Variants in FSIP2 observed in about 807,000 individuals in gnomAD.
The protein encoded by FSIP2 is fibrous sheath interacting protein 2, also known as fibrous sheath-interacting protein 2.
A neutral mutation model predicts 510.5 loss-of-function variants in FSIP2; 367 were observed. That is an observed-to-expected ratio of 0.72 (90% CI 0.66 to 0.78). The LOEUF (loss-of-function observed/expected upper bound fraction) is 0.78, where lower values mean the gene tolerates loss of function less well. Among genes scored for constraint, FSIP2 ranks in the 30% least tolerant of loss-of-function variants. The pLI, the probability that FSIP2 is intolerant of heterozygous loss-of-function variation, is 0.00. For missense variants in FSIP2, 7,594 were observed against 7,901.7 expected, an observed-to-expected ratio of 0.96 and a Z score of 1.48; for synonymous variants, 2,601 against 2,732.2, an observed-to-expected ratio of 0.95 and a Z score of 1.50.
rs1354390367 is a variant in FSIP2, at chr2:185,797,100, T to G, written c.9964T>G (p.Ser3322Ala). 1 of 1,535,102 alleles carries G rather than the reference T, an allele frequency of 6.5e-7. No homozygotes were observed. Among genetic ancestry groups the G allele is most frequent in the South Asian group, 1.2e-5 (1 of 84,024 alleles). The change falls in exon 16 of 23, where the codon TCC becomes GCC. Residue 3322 changes from serine (S) to alanine (A), a missense_variant. Transcript: ENST00000424728. ...ACCAAACCAAATTCAGACAACCATT[T>G]CCCCTCTCAAAATATGTTTAGCTGC... ...VEPNQIQTTISPLKICLAAEN... is the reference protein window; with the variant it reads ...VEPNQIQTTIAPLKICLAAEN...
intron 13 of FSIP2, among the ~76,000 whole-genome samples, chr2:185,778,431 T>G (rs1371039213): frequency 6.6e-6 from 1 of 152,090 alleles, no homozygotes; most frequent in Non-Finnish European, 1.5e-5. Flanking sequence ...ATCAAAAAAC[T>G]TGCAATATAA....
Position 185,804,668 on chromosome 2 carries a change from T to C in FSIP2, c.15362T>C (p.Met5121Thr). 3.9e-6 allele frequency: 6 copies of C among 1,532,850 alleles called. No homozygotes were observed. Among genetic ancestry groups the C allele is most frequent in the East Asian group, 2.4e-5 (1 of 40,818 alleles). The allele number at this position is 1,532,850 out of a possible 1,614,324, so 95.0% of individuals were successfully genotyped here. The change falls in exon 17 of 23, where the codon ATG (methionine) becomes ACG (threonine). Residue 5121 changes from methionine to threonine, a missense_variant. Met to Thr is a moderately conservative substitution (Grantham distance 81, BLOSUM62 -1). Coordinates refer to ENST00000424728, the MANE Select transcript of FSIP2 (RefSeq NM_173651.4). Reference protein sequence around the residue: ...TVLPHSLLEDMVYRLLGHVFP... With the variant: ...TVLPHSLLEDTVYRLLGHVFP... ...TTGCCTCATTCTCTTTTAGAAGATA[T>C]GGTTTACAGGCTTCTAGGGCATGTC...
At position 185,808,149 on chromosome 2, in the gene FSIP2, C is replaced by T. The variant is rs771474856; in HGVS notation, c.18843C>T (p.Leu6281=). The change falls in exon 17 of 23, where the codon CTC becomes CTT. Residue 6281 remains leucine, a synonymous_variant. Transcript: ENST00000424728. ...ATTTAATGGGTAAAAGCAATGTCCT[C>T]TCTGATACAATAGGCTTTTTAATGG... ...FKDLMGKSNV[L]SDTIGFLMVN... 20 of 1,610,926 alleles carry T rather than the reference C, an allele frequency of 1.2e-5. No individual in the cohort carries two copies. The highest frequency in any genetic ancestry group is 2.2e-5 in the East Asian group (1 of 44,754).
At position 185,763,275 on chromosome 2, in the gene FSIP2, C is replaced by G. The variant is rs182434513; in HGVS notation, c.1333C>G (p.Pro445Ala). ...FSRVSQAFLD[P>A]SKEEKETNAD... ...CAGAGTTTCACAGGCATTTTTGGATCCTTCAAAAGAAGAGGTATATAACAG... is the reference window on the plus strand; with the variant it reads ...CAGAGTTTCACAGGCATTTTTGGATGCTTCAAAAGAAGAGGTATATAACAG... Residue 445 changes from proline to alanine, a missense_variant, in exon 12 of 23, where the codon CCT (proline) becomes GCT (alanine). By Grantham distance (27) the Pro-to-Ala change is conservative. Coordinates refer to ENST00000424728, the MANE Select transcript of FSIP2 (RefSeq NM_173651.4). The G allele has an allele frequency of 6.9e-7, 1 of 1,452,868 alleles. No individual in the cohort carries two copies. Among genetic ancestry groups the G allele is most frequent in the Admixed American group, 2.0e-5 (1 of 50,700 alleles). 90.0% of individuals were successfully genotyped at this position (1,452,868 alleles called of 1,614,324 possible).
chr2:185,799,177 A>G (rs943033257), intron 16 of FSIP2, among the ~76,000 whole-genome samples: 1 of 151,876 alleles, frequency 6.6e-6, no homozygotes, highest in Non-Finnish European at 1.5e-5. Flanking sequence ...TAGGGACTAA[A>G]GTACTACTGC....
Position 185,789,721 on chromosome 2 carries a change from G to A in FSIP2, c.2585G>A (p.Cys862Tyr). The A allele has an allele frequency of 6.5e-7, 1 of 1,534,322 alleles. No individual in the cohort carries two copies. The highest frequency in any genetic ancestry group is 8.7e-7 in the Non-Finnish European group (1 of 1,145,710). The change falls in exon 16 of 23, where the codon TGT becomes TAT. Residue 862 changes from cysteine (C) to tyrosine (Y), a missense_variant. Transcript: ENST00000424728. The stretch of plus-strand genomic sequence containing the variant: ...CAGCAACATAAGACAGACCCAATAT[G>A]TATGTTCCTTCAAAGAGCTGGCAAA... ...SCQQHKTDPI[C>Y]MFLQRAGKNK...
chr2:185,750,935 T>C (rs546628217), intron 7 of FSIP2, among the ~76,000 whole-genome samples: 1 of 151,724 alleles, frequency 6.6e-6, no homozygotes, highest in East Asian at 1.9e-4. Context: ...GCTTTTATTG[T>C]AGTCAGAGAA....
chr2:185,810,628 G>C (rs1397060540), intron 17 of FSIP2, among the ~76,000 whole-genome samples: 3 of 147,736 alleles, frequency 2.0e-5, no homozygotes, highest in Non-Finnish European at 3.0e-5. Flanking sequence ...CAGAAAATTG[G>C]TACCAAGGAG....
At chr2:185,832,789 C>T (rs1694131740) in intron 22 of FSIP2, among the ~76,000 whole-genome samples, 1 of 151,820 alleles carries the variant, frequency 6.6e-6, no homozygotes, top group Non-Finnish European at 1.5e-5. Context: ...TTTTAATGTA[C>T]TTCTACTTTC....
rs1384681729 is a variant in FSIP2, at chr2:185,802,764, C to G, written c.13458C>G (p.Ser4486Arg). 3.2e-5 allele frequency: 48 copies of G among 1,514,522 alleles called. No individual in the cohort carries two copies. In the East Asian group the frequency reaches 8.3e-4, roughly 26 times the overall value. 93.8% of individuals were successfully genotyped at this position (1,514,522 alleles called of 1,614,324 possible). A position where few individuals can be genotyped will look rare whatever the true frequency, so the allele number is the denominator to read the frequency against. The change falls in exon 17 of 23, where the codon AGC (serine) becomes AGG (arginine). Residue 4486 changes from serine (S) to arginine (R), a missense_variant. Coordinates refer to ENST00000424728, the MANE Select transcript of FSIP2 (RefSeq NM_173651.4). ...LLSKLFSSAS[S>R]LVLNRDTQKD... ...CTAAATTATTTTCTTCTGCATCTAG[C>G]CTGGTTCTAAACAGAGACACCCAAA...
intron 17 of FSIP2, among the ~76,000 whole-genome samples, chr2:185,811,683 G>T (rs1245385699): frequency 6.6e-6 from 1 of 152,024 alleles, no homozygotes; most frequent in African/African-American, 2.4e-5. Context: ...ACTGCACTCT[G>T]TTTGATTTCA....
At position 185,796,245 on chromosome 2, in the gene FSIP2, A is replaced by T; in HGVS notation, c.9109A>T (p.Lys3037Ter). ...LSSIQQKLLN[K>*]KMLPKLQPLK... is the part of the protein sequence containing the mutation. ...TTCTATCCAACAGAAACTGTTAAAC[A>T]AAAAAATGTTGCCAAAATTACAACC... Residue 3037 changes from lysine (K) to a stop codon, truncating the protein, a stop_gained, in exon 16 of 23, where the codon AAA becomes TAA. Coordinates refer to ENST00000424728, the MANE Select transcript of FSIP2 (RefSeq NM_173651.4). LOFTEE classifies it high-confidence loss of function. The T allele has an allele frequency of 3.9e-6, 6 of 1,529,856 alleles. No individual in the cohort carries two copies. The highest frequency in any genetic ancestry group is 5.2e-6 in the Non-Finnish European group (6 of 1,144,376). 94.8% of individuals were successfully genotyped at this position (1,529,856 alleles called of 1,614,324 possible).
Position 185,803,833 on chromosome 2 carries a change from T to C in FSIP2, c.14527T>C (p.Cys4843Arg). The change falls in exon 17 of 23, where the codon TGT becomes CGT. Residue 4843 changes from cysteine to arginine, a missense_variant. Transcript: ENST00000424728. Reference protein sequence around the residue: ...IMSIISKHEICIIKYGNKKQS... With the variant: ...IMSIISKHEIRIIKYGNKKQS... ...GTCAATAATTTCAAAACATGAAATA[T>C]GTATTATTAAATATGGGAATAAAAA... The C allele has an allele frequency of 6.7e-7, 1 of 1,500,998 alleles. No individual in the cohort carries two copies. The highest frequency in any genetic ancestry group is 1.2e-5 in the South Asian group (1 of 80,586). 93.0% of individuals were successfully genotyped at this position (1,500,998 alleles called of 1,614,324 possible).
In FSIP2 at chr2:185,747,358, G is replaced by T; in HGVS notation, c.805G>T (p.Asp269Tyr). The change falls in exon 7 of 23, where the codon GAT becomes TAT. Residue 269 changes from aspartate (D) to tyrosine (Y), a missense_variant. Coordinates refer to ENST00000424728, the MANE Select transcript of FSIP2 (RefSeq NM_173651.4). Reference protein sequence around the residue: ...EMLLLTRMAEDVKREERIEEQ... With the variant: ...EMLLLTRMAEYVKREERIEEQ... ...GTTACTTCTGACAAGGATGGCAGAA[G>T]ATGTTAAAAGAGAAGAGAGGATAGA... 6.5e-7 allele frequency: 1 copy of T among 1,533,146 alleles called. No homozygotes were observed. The highest frequency in any genetic ancestry group is 8.7e-7 in the Non-Finnish European group (1 of 1,144,248). The allele number at this position is 1,533,146 out of a possible 1,614,324, so 95.0% of individuals were successfully genotyped here. A position where few individuals can be genotyped will look rare whatever the true frequency, so the allele number is the denominator to read the frequency against.
intron 13 of FSIP2, among the ~76,000 whole-genome samples, chr2:185,780,936 C>T (rs1170086121): frequency 6.6e-6 from 1 of 152,122 alleles, no homozygotes. Flanking sequence ...ATTTGAAACT[C>T]AAGGTCATAG....
chr2:185,801,297 C>A lies in FSIP2; in HGVS notation c.11991C>A (p.Asn3997Lys), dbSNP rs1414235312. Reference sequence around the variant, plus strand: ...TGTCATTGTGGGGCAAAAATAAAAACATCACTGTGTCCTGGCTCAATGAGA... The same window carrying A: ...TGTCATTGTGGGGCAAAAATAAAAAAATCACTGTGTCCTGGCTCAATGAGA... ...LSMSLWGKNKNITVSWLNEMN... is the reference protein window; with the variant it reads ...LSMSLWGKNKKITVSWLNEMN... The change falls in exon 17 of 23, where the codon AAC becomes AAA. Residue 3997 changes from asparagine (N) to lysine (K), a missense_variant. Coordinates refer to ENST00000424728, the MANE Select transcript of FSIP2 (RefSeq NM_173651.4). The A allele has an allele frequency of 6.5e-7, 1 of 1,533,406 alleles. No individual in the cohort carries two copies. The highest frequency in any genetic ancestry group is 1.4e-5 in the African/African-American group (1 of 72,950). 95.0% of individuals were successfully genotyped at this position (1,533,406 alleles called of 1,614,324 possible).
At chr2:185,824,592 C>A in intron 20 of FSIP2, 112 bp downstream of exon 20, 1 of 684,572 alleles carries the variant, frequency 1.5e-6, no homozygotes. Context: ...ATGAGTTTAT[C>A]TACTTTTGAA....
intron 2 of FSIP2, among the ~76,000 whole-genome samples, chr2:185,741,942 A>G (rs1261373363): frequency 6.6e-6 from 1 of 152,154 alleles, no homozygotes; most frequent in Non-Finnish European, 1.5e-5. Context: ...GGTTACGGCC[A>G]GACTGGAAAC....
Position 185,804,064 on chromosome 2 carries a change from T to C in FSIP2, c.14758T>C (p.Leu4920=). The C allele has an allele frequency of 1.3e-6, 2 of 1,522,268 alleles. No homozygotes were observed. The highest frequency in any genetic ancestry group is 1.8e-6 in the Non-Finnish European group (2 of 1,138,332). 94.3% of individuals were successfully genotyped at this position (1,522,268 alleles called of 1,614,324 possible). Residue 4920 remains leucine (L), a synonymous_variant, in exon 17 of 23, where the codon TTG becomes CTG. Coordinates refer to ENST00000424728, the MANE Select transcript of FSIP2 (RefSeq NM_173651.4). Reference sequence around the variant, plus strand: ...TTTATCTGAAGATAAAACTCTCCTTTTGGCAGCAGTTGATCAAACTTATAA... The same window carrying C: ...TTTATCTGAAGATAAAACTCTCCTTCTGGCAGCAGTTGATCAAACTTATAA... ...SFLSEDKTLL[L]AAVDQTYKLK... is the part of the protein sequence containing the mutation.
Sources: gnomAD v4.1 joint callset for allele counts (sites outside exome capture counted in the v4.1 genomes callset) on GRCh38, gnomAD v4.1.1 for gene constraint, MANE v1.5 for transcripts, NCBI Gene and HGNC (gene_info 2026-07-23, HGNC 2026-07-21) for gene names.